ATR: variants seen among roughly 807,000 people sequenced by gnomAD.
ATR encodes serine/threonine-protein kinase ATR.
Under a neutral mutation model 305.3 loss-of-function variants are expected in ATR, and 142 were observed. That is an observed-to-expected ratio of 0.47 (90% CI 0.41 to 0.53). The LOEUF (loss-of-function observed/expected upper bound fraction) is 0.53. Among genes scored for constraint, ATR ranks in the 20% least tolerant of loss-of-function variants. The pLI, the probability that ATR is intolerant of heterozygous loss-of-function variation, is 0.00. For missense variants in ATR, 2,135 were observed against 3,133.1 expected, an observed-to-expected ratio of 0.68 and a Z score of 7.60; for synonymous variants, 1,050 against 1,068.1, an observed-to-expected ratio of 0.98 and a Z score of 0.33.
intron 5 of ATR, among the ~76,000 whole-genome samples, chr3:142,560,942 ATAGT>A (rs1256421757): frequency 2.0e-5 from 3 of 152,350 alleles, no homozygotes; most frequent in East Asian, 1.9e-4. Flanking sequence ...TTTATAAAAA[ATAGT>A]TGGTTAATGT....
chr3:142,473,528 T>A (rs888873392), intron 36 of ATR, among the ~76,000 whole-genome samples: 4 of 152,036 alleles, frequency 2.6e-5, no homozygotes, highest in African/African-American at 4.8e-5. Flanking sequence ...TCAGGTAGTG[T>A]GATGCCTTCA....
chr3:142,523,984 A>G lies in ATR; in HGVS notation c.4152+9T>C, dbSNP rs2033264197. ...AACTCTTTTGTCATTCCAAATTTCC[A>G]CTACTTACCACAAATGTAAAATCTT... On this transcript the variant is annotated intron_variant, in intron 22 of 46. Coordinates refer to ENST00000350721, the MANE Select transcript of ATR (RefSeq NM_001184.4). The G allele has an allele frequency of 6.2e-7, 1 of 1,612,200 alleles. No homozygotes were observed. The highest frequency in any genetic ancestry group is 8.5e-7 in the Non-Finnish European group (1 of 1,178,302).
Position 142,556,565 on chromosome 3 carries a change from T to C in ATR, c.1896A>G (p.Ala632=). ...TCAGAAGAAACACACATCGTGATTG[T>C]GCCTGTGGTGCTGAAAAAATTAAGT... ...CRISDSYSPQ[A]QSRCVFLLTL... The change falls in exon 9 of 47, where the codon GCA becomes GCG. Residue 632 remains alanine, a synonymous_variant. Coordinates refer to ENST00000350721, the MANE Select transcript of ATR (RefSeq NM_001184.4). 6.2e-7 allele frequency: 1 copy of C among 1,614,008 alleles called. No individual in the cohort carries two copies. The highest frequency in any genetic ancestry group is 1.1e-5 in the South Asian group (1 of 91,044).
chr3:142,507,931 C>A lies in ATR; in HGVS notation c.5031G>T (p.Gln1677His). 6.3e-7 allele frequency: 1 copy of A among 1,593,290 alleles called. No individual in the cohort carries two copies. The highest frequency in any genetic ancestry group is 8.6e-7 in the Non-Finnish European group (1 of 1,161,368). Residue 1677 changes from glutamine to histidine, a missense_variant and splice_region_variant, in exon 28 of 47, where the codon CAG (glutamine) becomes CAT (histidine). Coordinates refer to ENST00000350721, the MANE Select transcript of ATR (RefSeq NM_001184.4). ...QNIQEHLGFL[Q>H]KLYAAMHEPD... ...TAAATTCACTATATTAACTTCAGACCTGTAAAAATCCAAGATGTTCCTGAA... is the reference window on the plus strand; with the variant it reads ...TAAATTCACTATATTAACTTCAGACATGTAAAAATCCAAGATGTTCCTGAA...
rs2032828988 is a variant in ATR at position 142,515,660 on chromosome 3, G to A, written c.4383-145C>T. 10 of 905,590 alleles carry A rather than the reference G, an allele frequency of 1.1e-5. No homozygotes were observed. The East Asian group carries it at 2.4e-4, about 22-fold the overall frequency. 56.1% of individuals were successfully genotyped at this position (905,590 alleles called of 1,614,324 possible). A position where few individuals can be genotyped will look rare whatever the true frequency, so the allele number is the denominator to read the frequency against. On this transcript the variant is annotated intron_variant, in intron 24 of 46. Coordinates refer to ENST00000350721, the MANE Select transcript of ATR (RefSeq NM_001184.4). ...TTACCTTTTTCCAGTATCCTTCTTA[G>A]GGGTGAAGTAGGTCATTCTTGGACA...
intron 10 of ATR, 45 bp from the exon 11 acceptor site, chr3:142,554,060 T>C (rs1193641684): frequency 5.5e-6 from 8 of 1,466,304 alleles, no homozygotes; most frequent in Non-Finnish European, 7.5e-6. Context: ...ATATTAAATG[T>C]CAAGGTTGTA....
At chr3:142,457,897 T>A in intron 44 of ATR, 142 bp from the exon 45 acceptor site, 1 of 939,280 alleles carries the variant, frequency 1.1e-6, no homozygotes, top group Non-Finnish European at 1.6e-6. Flanking sequence ...TAGAAGTTTG[T>A]AACATGAAGG....
At chr3:142,561,173 A>G in intron 5 of ATR, 70 bp downstream of exon 5, 1 of 1,528,444 alleles carries the variant, frequency 6.5e-7, no homozygotes, top group Non-Finnish European at 9.1e-7. Flanking sequence ...CACTTAACTA[A>G]AGCTGATTTT....
intron 46 of ATR, chr3:142,451,552 C>G (rs1163671340): frequency 1.5e-6 from 2 of 1,343,744 alleles, no homozygotes; most frequent in South Asian, 2.6e-5. Context: ...AGAGTGGGCA[C>G]TTGTCTGTAT....
intron 8 of ATR, among the ~76,000 whole-genome samples, chr3:142,557,351 G>C (rs2034709661): frequency 6.6e-6 from 1 of 152,018 alleles, no homozygotes; most frequent in East Asian, 1.9e-4. Context: ...TGAAAAGTTG[G>C]AAACAACTTG....
intron 34 of ATR, 41 bp downstream of exon 34, chr3:142,496,320 A>ATC (rs2031628473): frequency 8.7e-6 from 2 of 231,116 alleles, no homozygotes; most frequent in African/African-American, 8.3e-5. Flanking sequence ...ATATATATAT[A>ATC]TATATATATA....
chr3:142,503,191 AGACT>A (rs2032067369), intron 30 of ATR, among the ~76,000 whole-genome samples, 167 bp downstream of exon 30: 1 of 152,210 alleles, frequency 6.6e-6, no homozygotes, highest in Non-Finnish European at 1.5e-5. Flanking sequence ...GTTAAGTGGT[AGACT>A]GACTATGAAA....
intron 21 of ATR, among the ~76,000 whole-genome samples, chr3:142,530,147 G>GT (rs1413958193): frequency 3.6e-4 from 55 of 151,262 alleles, no homozygotes; most frequent in Admixed American, 3.4e-3. Context: ...TTTTTCTTCT[G>GT]TTTTTTATAC....
chr3:142,506,786 T>A (rs1015318549), intron 28 of ATR, among the ~76,000 whole-genome samples: 1 of 152,320 alleles, frequency 6.6e-6, no homozygotes, highest in Non-Finnish European at 1.5e-5. Flanking sequence ...TGAAGCAAGA[T>A]TGTCAGCTGG....
chr3:142,554,035 A>C lies in ATR; in HGVS notation c.2342-20T>G. 1 of 1,561,554 alleles carries C rather than the reference A, an allele frequency of 6.4e-7. No homozygotes were observed. Among genetic ancestry groups the C allele is most frequent in the Non-Finnish European group, 8.8e-7 (1 of 1,142,590 alleles). On this transcript the variant is annotated intron_variant, in intron 10 of 46. Transcript: ENST00000350721. ...TGAAAGCTGAAGGACAAGAGTATAC[A>C]ATACCTAATTTAACATATTAAATGT...
rs74282951 is a variant in ATR, at chr3:142,558,617, C to T, written c.1885+7G>A. The stretch of plus-strand genomic sequence containing the variant: ...CAAACCACACACACATTCTTGTGAG[C>T]ACTTACAATAGCTATCTGAAATCCT... On this transcript the variant is annotated splice_region_variant and intron_variant, in intron 8 of 46. Transcript: ENST00000350721. 104 of 1,609,378 alleles carry T rather than the reference C, an allele frequency of 6.5e-5. No individual in the cohort carries two copies. The East Asian group carries it at 2.1e-3, about 32-fold the overall frequency.
chr3:142,503,133 T>C (rs902052670), intron 30 of ATR, among the ~76,000 whole-genome samples: 1 of 152,194 alleles, frequency 6.6e-6, no homozygotes, highest in African/African-American at 2.4e-5. Context: ...TAGAAGTTCC[T>C]TGTGTTAAAG....
intron 36 of ATR, among the ~76,000 whole-genome samples, chr3:142,472,748 CT>C (rs1282716244): frequency 6.6e-6 from 1 of 152,168 alleles, no homozygotes; most frequent in Non-Finnish European, 1.5e-5. Flanking sequence ...AGTGATGCCC[CT>C]GCCTCAGCCT....
intron 1 of ATR, among the ~76,000 whole-genome samples, chr3:142,571,908 A>C (rs2035275935): frequency 6.6e-6 from 1 of 152,068 alleles, no homozygotes; most frequent in African/African-American, 2.4e-5. Context: ...CTAGGATTAC[A>C]GGCGTGTGCC....
Sources: allele counts gnomAD v4.1 joint callset (sites outside exome capture counted in the v4.1 genomes callset), GRCh38; gene constraint gnomAD v4.1.1; transcripts MANE v1.5; gene names NCBI Gene and HGNC (gene_info 2026-07-23, HGNC 2026-07-21).